The following NSUN7 variants were observed in gnomAD, a reference collection of about 807,000 sequenced individuals.
NSUN7 encodes protein NSUN7.
Under a neutral mutation model 58.5 loss-of-function variants are expected in NSUN7, and 39 were observed. The observed-to-expected ratio is 0.67, with a 90% CI of 0.52 to 0.87. The LOEUF (loss-of-function observed/expected upper bound fraction) is 0.87, where lower values mean the gene tolerates loss of function less well. Among genes scored for constraint, NSUN7 ranks in the 40% least tolerant of loss-of-function variants. NSUN7 has a pLI of 0.00. For missense variants in NSUN7, 765 were observed against 844.1 expected (o/e 0.91, Z 1.16); for synonymous variants, 278 against 303.7 (o/e 0.92, Z 0.88).
chr4:40,780,159 A>T (rs1261754267), intron 7 of NSUN7, among the ~76,000 whole-genome samples: 1 of 152,114 alleles, frequency 6.6e-6, no homozygotes, highest in Non-Finnish European at 1.5e-5. Flanking sequence ...ACAGGCTTGT[A>T]GTCCCAGCTG....
chr4:40,796,076 C>T (rs968168095), intron 9 of NSUN7, among the ~76,000 whole-genome samples: 9 of 152,136 alleles, frequency 5.9e-5, no homozygotes, highest in Non-Finnish European at 1.0e-4. Context: ...ACTTTAAAAT[C>T]GTAAGTGGGA....
chr4:40,792,907 C>T (rs939996045), intron 8 of NSUN7, among the ~76,000 whole-genome samples: 2 of 151,718 alleles, frequency 1.3e-5, no homozygotes, highest in African/African-American at 4.8e-5. Flanking sequence ...GGGGTGAATC[C>T]GAAAGATTAT....
intron 7 of NSUN7, among the ~76,000 whole-genome samples, chr4:40,789,151 G>T (rs889176596): frequency 6.6e-6 from 1 of 152,072 alleles, no homozygotes; most frequent in Non-Finnish European, 1.5e-5. Context: ...GTCCCCCAAA[G>T]GAAAAAGTAT....
intron 7 of NSUN7, among the ~76,000 whole-genome samples, chr4:40,781,910 A>G (rs1218689012): frequency 6.6e-6 from 1 of 152,228 alleles, no homozygotes; most frequent in Non-Finnish European, 1.5e-5. Flanking sequence ...CTAAAAATGA[A>G]GAGAGGTATT....
chr4:40,809,015 C>A lies in NSUN7; in HGVS notation c.*76C>A. On this transcript the variant is annotated 3_prime_UTR_variant, in exon 12 of 12. Transcript: ENST00000381782. ...GTCTAGTATTTCTCTGAAGATTCTA[C>A]ATCTCTACACAAGATATTCATTCTT... 7.4e-7 allele frequency: 1 copy of A among 1,347,356 alleles called. No individual in the cohort carries two copies. The highest frequency in any genetic ancestry group is 9.8e-7 in the Non-Finnish European group (1 of 1,016,856). 83.5% of individuals were successfully genotyped at this position (1,347,356 alleles called of 1,614,324 possible). A position where few individuals can be genotyped will look rare whatever the true frequency, so the allele number is the denominator to read the frequency against.
At chr4:40,772,727 G>T (rs1430996571) in intron 4 of NSUN7, among the ~76,000 whole-genome samples, 1 of 152,168 alleles carries the variant, frequency 6.6e-6, no homozygotes, top group Non-Finnish European at 1.5e-5. Flanking sequence ...TACCCCTCTT[G>T]TCCTGGCTCC....
chr4:40,799,082 T>TTTTG (rs1560563859), intron 10 of NSUN7, among the ~76,000 whole-genome samples, 178 bp downstream of exon 10: 19 of 138,208 alleles, frequency 1.4e-4, no homozygotes, highest in African/African-American at 2.5e-4. Context: ...TCTTTTTTTT[T>TTTTG]TTTTTTTTTT....
intron 10 of NSUN7, among the ~76,000 whole-genome samples, chr4:40,799,713 A>G (rs1743497563): frequency 6.6e-6 from 1 of 152,284 alleles, no homozygotes; most frequent in Non-Finnish European, 1.5e-5. Flanking sequence ...GCCAAAAGAA[A>G]TTATGCATTA....
chr4:40,752,899 C>T (rs180827099), intron 2 of NSUN7, among the ~76,000 whole-genome samples: 1 of 19,362 alleles, frequency 5.2e-5, no homozygotes, highest in African/African-American at 4.2e-4. Context: ...ACCATTCTTC[C>T]TCCAGTTTAA....
intron 4 of NSUN7, among the ~76,000 whole-genome samples, chr4:40,769,262 C>A (rs912959692): frequency 6.6e-6 from 1 of 152,198 alleles, no homozygotes; most frequent in African/African-American, 2.4e-5. Context: ...TTCCACATGG[C>A]AGGTAGAGTG....
chr4:40,785,047 T>C (rs1054619484), intron 7 of NSUN7, among the ~76,000 whole-genome samples: 1 of 152,144 alleles, frequency 6.6e-6, no homozygotes, highest in Admixed American at 6.6e-5. Context: ...TTGTTGTTGT[T>C]GTTGTTTTAG....
intron 9 of NSUN7, among the ~76,000 whole-genome samples, chr4:40,796,496 C>G (rs1743330171): frequency 6.6e-6 from 1 of 151,908 alleles, no homozygotes; most frequent in Non-Finnish European, 1.5e-5. Context: ...AAAAAGTTAT[C>G]TAGGCATGGG....
intron 2 of NSUN7, among the ~76,000 whole-genome samples, chr4:40,757,090 A>G (rs1292820789): frequency 6.6e-6 from 1 of 152,084 alleles, no homozygotes; most frequent in Non-Finnish European, 1.5e-5. Context: ...TTAGCCGGGC[A>G]TGGTGGTGGG....
intron 4 of NSUN7, among the ~76,000 whole-genome samples, chr4:40,770,829 G>A (rs1265690688): frequency 6.6e-6 from 1 of 152,184 alleles, no homozygotes; most frequent in African/African-American, 2.4e-5. Context: ...AAGGTGGGCG[G>A]ATCGTGAGGT....
At chr4:40,782,450 C>T (rs1256564001) in intron 7 of NSUN7, among the ~76,000 whole-genome samples, 1 of 151,624 alleles carries the variant, frequency 6.6e-6, no homozygotes, top group Admixed American at 6.6e-5. Context: ...TGCCTGTAGT[C>T]CCAGCTACGA....
chr4:40,785,199 C>T (rs1302310320), intron 7 of NSUN7, among the ~76,000 whole-genome samples: 2 of 150,604 alleles, frequency 1.3e-5, no homozygotes, highest in Non-Finnish European at 3.0e-5. Flanking sequence ...CCACTCTCAG[C>T]TATTTTTTTT....
Position 40,764,455 on chromosome 4 carries a change from A to T in NSUN7, c.488+3154A>T, listed in dbSNP as rs546543074. Among the ~76,000 whole-genome samples the T allele has an allele frequency of 3.3e-3, 504 of 152,006 alleles. 4 individuals are homozygous for T. Among genetic ancestry groups the T allele is most frequent in the African/African-American group, 0.012 (478 of 41,424 alleles). ...TAGTATTCCATGGTGTATATGTGCC[A>T]CATTTTCTTAATCCAGTCTATCATC... On this transcript the variant is annotated intron_variant, in intron 4 of 11. Coordinates refer to ENST00000381782, the MANE Select transcript of NSUN7 (RefSeq NM_024677.6).
At position 40,775,052 on chromosome 4, in the gene NSUN7, A is replaced by G. The variant is rs551554344; in HGVS notation, c.825+102A>G. On this transcript the variant is annotated intron_variant, in intron 6 of 11. Transcript: ENST00000381782. This position sits in a 1 kb window ranked among gnomAD's most constrained non-coding sequence, Gnocchi z 4.3. ...CCTAACACTGTTTATATTTTTATAG[A>G]TTATCAGGGAGGTTTATAAGGCCTA... The G allele has an allele frequency of 1.8e-6, 1 of 546,100 alleles. No individual in the cohort carries two copies. The highest frequency in any genetic ancestry group is 1.9e-5 in the African/African-American group (1 of 51,444). 33.8% of individuals were successfully genotyped at this position (546,100 alleles called of 1,614,324 possible). A position where few individuals can be genotyped will look rare whatever the true frequency, so the allele number is the denominator to read the frequency against.
chr4:40,780,378 C>G (rs1742472300), intron 7 of NSUN7, among the ~76,000 whole-genome samples: 1 of 152,066 alleles, frequency 6.6e-6, no homozygotes, highest in African/African-American at 2.4e-5. Context: ...GAGGCTGAGG[C>G]AGGTGGATTG....
Sources: allele counts gnomAD v4.1 joint callset (sites outside exome capture counted in the v4.1 genomes callset), GRCh38; gene constraint gnomAD v4.1.1; non-coding constraint Gnocchi (gnomAD v3.1); transcripts MANE v1.5; gene names NCBI Gene and HGNC (gene_info 2026-07-23, HGNC 2026-07-21).